Variants in SIGLEC1 observed in about 807,000 individuals in gnomAD.
SIGLEC1 encodes sialoadhesin.
Under a neutral mutation model 148.0 loss-of-function variants are expected in SIGLEC1, and 132 were observed. The observed-to-expected ratio is 0.89, with a 90% CI of 0.77 to 1.03. SIGLEC1 has a LOEUF of 1.03. Ranked by LOEUF, SIGLEC1 falls within the 50% of genes least tolerant of loss-of-function variation. The pLI is 0.00. For missense variants in SIGLEC1, 2,253 were observed against 2,271.4 expected (o/e 0.99, Z 0.16); for synonymous variants, 945 against 969.0 (o/e 0.98, Z 0.46).
rs1160775616 is a variant in SIGLEC1, at chr20:3,694,794, T to C, written c.2813A>G (p.Gln938Arg). Residue 938 changes from glutamine to arginine, a missense_variant, in exon 12 of 22, where the codon CAG becomes CGG. Physicochemically the swap from Gln to Arg is conservative, Grantham distance 43 (BLOSUM62 1). Coordinates refer to ENST00000344754, the MANE Select transcript of SIGLEC1 (RefSeq NM_023068.4). ...GCGGAGCGTGGCCGAGGTCGACTCC[T>C]GGAGGGGCTGGCCATCCCGATACCA... Reference protein sequence around the residue: ...YRWYRDGQPLQESTSATLRFA... With the variant: ...YRWYRDGQPLRESTSATLRFA... The C allele has an allele frequency of 1.2e-6, 2 of 1,613,506 alleles. No homozygotes were observed. Among genetic ancestry groups the C allele is most frequent in the Admixed American group, 1.7e-5 (1 of 60,004 alleles).
At chr20:3,691,791 A>G (rs889782375) in intron 17 of SIGLEC1, 112 bp downstream of exon 17, 9 of 1,398,774 alleles carry the variant, frequency 6.4e-6, no homozygotes, top group Non-Finnish European at 6.8e-6. Flanking sequence ...AGGCTTCTCA[A>G]GGCAGAGCTT....
chr20:3,691,329 T>C lies in SIGLEC1; in HGVS notation c.4591+11A>G, dbSNP rs1266663283. On this transcript the variant is annotated intron_variant, in intron 18 of 21. Coordinates refer to ENST00000344754, the MANE Select transcript of SIGLEC1 (RefSeq NM_023068.4). ...GGGGAGACTAAGGCGGAGGAGGGGG[T>C]TCACACTCACAGAGCACACGGAGCA... 1.2e-6 allele frequency: 2 copies of C among 1,610,108 alleles called. No homozygotes were observed. Among genetic ancestry groups the C allele is most frequent in the Non-Finnish European group, 8.5e-7 (1 of 1,178,408 alleles).
chr20:3,697,841 A>T lies in SIGLEC1; in HGVS notation c.2079T>A (p.Asn693Lys). The T allele has an allele frequency of 6.2e-7, 1 of 1,612,970 alleles. No individual in the cohort carries two copies. Among genetic ancestry groups the T allele is most frequent in the Non-Finnish European group, 8.5e-7 (1 of 1,179,976 alleles). ...CTGAGGTGGAGGCGTTGCCCAGGGC[A>T]TTGCTGGCCTCACAGAGGTACAAGC... ...EEGLYLCEAS[N>K]ALGNASTSAT... The change falls in exon 9 of 22, where the codon AAT (asparagine) becomes AAA (lysine). Residue 693 changes from asparagine (N) to lysine (K), a missense_variant. Asn to Lys is a moderately conservative substitution (Grantham distance 94). Transcript: ENST00000344754.
At position 3,705,985 on chromosome 20, in the gene SIGLEC1, C is replaced by T; in HGVS notation, c.465G>A (p.Glu155=). Residue 155 remains glutamate (E), a synonymous_variant, in exon 4 of 22, where the codon GAG becomes GAA. Coordinates refer to ENST00000344754, the MANE Select transcript of SIGLEC1 (RefSeq NM_023068.4). ...ASPVELLEGT[E]VDFNCSTPYV... ...AGGGAGTGGAGCAGTTGAAGTCCAC[C>T]TCTGTGCCCTCGAGAAGCTCCACCG... 1 of 1,613,986 alleles carries T rather than the reference C, an allele frequency of 6.2e-7. No individual in the cohort carries two copies. Among genetic ancestry groups the T allele is most frequent in the Non-Finnish European group, 8.5e-7 (1 of 1,180,002 alleles).
In SIGLEC1 at chr20:3,690,284, G is replaced by C. The variant is rs1454709524; in HGVS notation, c.4592-20C>G. On this transcript the variant is annotated intron_variant, in intron 18 of 21. Coordinates refer to ENST00000344754, the MANE Select transcript of SIGLEC1 (RefSeq NM_023068.4). ...GAGGGTCTGTGGGGAGGAAGGGAGT[G>C]TGGTGATTGCAGACAATGACCACAA... 2.0e-6 allele frequency: 3 copies of C among 1,521,976 alleles called. No individual in the cohort carries two copies. The highest frequency in any genetic ancestry group is 2.6e-6 in the Non-Finnish European group (3 of 1,132,172). The allele number at this position is 1,521,976 out of a possible 1,614,324, so 94.3% of individuals were successfully genotyped here. A position where few individuals can be genotyped will look rare whatever the true frequency, so the allele number is the denominator to read the frequency against.
At chr20:3,693,265 G>T in intron 14 of SIGLEC1, 134 bp from the exon 15 acceptor site, 1 of 1,213,750 alleles carries the variant, frequency 8.2e-7, no homozygotes, top group Non-Finnish European at 1.1e-6. Flanking sequence ...CTGAGGCACT[G>T]CTCCTCTGCC....
chr20:3,706,677 G>T lies in SIGLEC1; in HGVS notation c.79C>A (p.Gln27Lys). The change falls in exon 3 of 22, where the codon CAG becomes AAG. Residue 27 changes from glutamine (Q) to lysine (K), a missense_variant. Coordinates refer to ENST00000344754, the MANE Select transcript of SIGLEC1 (RefSeq NM_023068.4). ...GACCCCTTCACACCCTGCACGTCCT[G>T]GGGACTGGAGACGCCCCATGAGGCC... Reference protein sequence around the residue: ...GQASWGVSSPQDVQGVKGSCL... With the variant: ...GQASWGVSSPKDVQGVKGSCL... 1 of 1,553,192 alleles carries T rather than the reference G, an allele frequency of 6.4e-7. No individual in the cohort carries two copies. The highest frequency in any genetic ancestry group is 8.7e-7 in the Non-Finnish European group (1 of 1,147,352).
intron 7 of SIGLEC1, among the ~76,000 whole-genome samples, chr20:3,700,601 A>G (rs1308536360): frequency 1.3e-5 from 2 of 151,668 alleles, no homozygotes; most frequent in Non-Finnish European, 2.9e-5. Flanking sequence ...AAAAAGAAAA[A>G]CCTGGCTTGA....
intron 4 of SIGLEC1, among the ~76,000 whole-genome samples, chr20:3,705,344 T>C (rs904593264): frequency 2.0e-5 from 3 of 152,224 alleles, no homozygotes; most frequent in African/African-American, 7.2e-5. Flanking sequence ...GAACCATCTA[T>C]TGTTATCTTC....
Position 3,689,215 on chromosome 20 carries a change from A to G in SIGLEC1, c.5010T>C (p.Val1670=). 6.2e-7 allele frequency: 1 copy of G among 1,614,020 alleles called. No individual in the cohort carries two copies. The highest frequency in any genetic ancestry group is 8.5e-7 in the Non-Finnish European group (1 of 1,179,962). ...AATTCTCGCCCATGCTCTGCTTACA[A>G]ACACGCCTCCTTCTGCAAGGCCCGG... ...GACYTWRRRR[V]CKQSMGENSV... Residue 1670 remains valine (V), a synonymous_variant, in exon 21 of 22, where the codon GTT becomes GTC. Transcript: ENST00000344754.
chr20:3,696,987 C>A, intron 10 of SIGLEC1, 98 bp downstream of exon 10: 1 of 1,548,320 alleles, frequency 6.5e-7, no homozygotes, highest in Non-Finnish European at 8.7e-7. Context: ...CAGCCTAAGC[C>A]ATGCTCTTTC....
At chr20:3,711,604 G>C (rs745760575) in intron 1 of SIGLEC1, among the ~76,000 whole-genome samples, 1 of 152,218 alleles carries the variant, frequency 6.6e-6, no homozygotes, top group Non-Finnish European at 1.5e-5. Context: ...CACAGATAGG[G>C]AGTCAGGGTA....
Position 3,703,271 on chromosome 20 carries a change from G to GT in SIGLEC1, c.1153dup (p.Thr385AsnfsTer7), listed in dbSNP as rs1215480322. 1.9e-6 allele frequency: 3 copies of GT among 1,614,080 alleles called. No individual in the cohort carries two copies. Among genetic ancestry groups the GT allele is most frequent in the Non-Finnish European group, 2.5e-6 (3 of 1,180,034 alleles). ...CTGCACCTCACAGAAGTAGAAGCCAGTATCAGCCCTAGTGGCCAAGTGCAG... is the reference window on the plus strand; with the variant it reads ...CTGCACCTCACAGAAGTAGAAGCCAGTTATCAGCCCTAGTGGCCAAGTGCAG... On this transcript the variant is annotated frameshift_variant, in exon 6 of 22. Transcript: ENST00000344754. LOFTEE classifies it high-confidence loss of function.
rs779945126 is a variant in SIGLEC1 at position 3,703,848 on chromosome 20, G to C, written c.950C>G (p.Pro317Arg). 6.2e-7 allele frequency: 1 copy of C among 1,614,044 alleles called. No individual in the cohort carries two copies. The highest frequency in any genetic ancestry group is 8.5e-7 in the Non-Finnish European group (1 of 1,180,018). ...ACTGAAGATGTGGAGGCTGATGGGG[G>C]GTGAGACCAAAGAGCCCACGCCGTT... is the stretch of plus-strand genomic sequence containing the variant. ...AENGVGSLVS[P>R]PISLHIFMAE... is the part of the protein sequence containing the mutation. The change falls in exon 5 of 22, where the codon CCC (proline) becomes CGC (arginine). Residue 317 changes from proline to arginine, a missense_variant. Coordinates refer to ENST00000344754, the MANE Select transcript of SIGLEC1 (RefSeq NM_023068.4).
intron 10 of SIGLEC1, 96 bp downstream of exon 10, chr20:3,696,989 T>A: frequency 6.5e-7 from 1 of 1,549,430 alleles, no homozygotes; most frequent in South Asian, 1.2e-5. Context: ...GCCTAAGCCA[T>A]GCTCTTTCCT....
intron 18 of SIGLEC1, among the ~76,000 whole-genome samples, chr20:3,690,824 C>CTTTTTTTTTTTTTTTTTTTTTTTTTTT (rs200631809): frequency 2.4e-5 from 3 of 126,870 alleles, no homozygotes; most frequent in African/African-American, 1.0e-4. Flanking sequence ...CTCTTCTTTT[C>CTTTTTTTTTTTTTTTTTTTTTTTTTTT]TTTTCTTTTT....
intron 13 of SIGLEC1, 29 bp downstream of exon 13, chr20:3,694,192 C>CACACAT (rs2088796484): frequency 6.4e-7 from 1 of 1,572,570 alleles, no homozygotes; most frequent in Non-Finnish European, 8.6e-7. Flanking sequence ...CACACACACA[C>CACACAT]ACACACACAC....
At chr20:3,706,780 G>A in intron 2 of SIGLEC1, 74 bp from the exon 3 acceptor site, 1 of 1,450,202 alleles carries the variant, frequency 6.9e-7, no homozygotes, top group Admixed American at 2.5e-5. Context: ...CCTGCGACCT[G>A]CCCCAGAGAA....
At chr20:3,703,043 T>G (rs2087863685) in intron 6 of SIGLEC1, 154 bp downstream of exon 6, 1 of 771,696 alleles carries the variant, frequency 1.3e-6, no homozygotes, top group Non-Finnish European at 2.1e-6. Context: ...GTCAAAGCAT[T>G]GCCCAGGTGT....
Sources: gnomAD v4.1 joint callset for allele counts (sites outside exome capture counted in the v4.1 genomes callset) on GRCh38, gnomAD v4.1.1 for gene constraint, MANE v1.5 for transcripts, NCBI Gene and HGNC (gene_info 2026-07-23, HGNC 2026-07-21) for gene names.